Variants in MCTS1 observed in about 807,000 individuals in gnomAD.
MCTS1 encodes the protein MCTS1 re-initiation and release factor, also known as malignant T-cell-amplified sequence 1.
For synonymous variants in MCTS1, 26 were observed against 40.8 expected (o/e 0.64, Z 1.38); for missense variants, 55 against 128.6 (o/e 0.43, Z 2.77).
In MCTS1 at chrX:120,612,412, T is replaced by C. The variant is rs759224953; in HGVS notation, c.*148T>C. ...ATTCTGTTAGCTTCAGAAATTATTT[T>C]AAGTTTTCTTAAACTCAAGTTAAAA... is the stretch of plus-strand genomic sequence containing the variant. On this transcript the variant is annotated 3_prime_UTR_variant, in exon 6 of 6. Coordinates refer to ENST00000371317, the MANE Select transcript of MCTS1 (RefSeq NM_014060.3). 1.1e-5 allele frequency: 5 copies of C among 455,636 alleles called. No homozygotes were observed. Among genetic ancestry groups the C allele is most frequent in the Non-Finnish European group, 1.8e-5 (5 of 272,264 alleles). 37.5% of individuals were successfully genotyped at this position (455,636 alleles called of 1,213,427 possible).
At position 120,608,317 on chromosome X, in the gene MCTS1, C is replaced by T. The variant is rs1285912199; in HGVS notation, c.355C>T (p.Pro119Ser). ...TATCATGTGTCCAGGCTTAACTTCT[C>T]CTGGAGCTAAGCTTTACCCTGCTGC... Reference protein sequence around the residue: ...ANIMCPGLTSPGAKLYPAAVD... With the variant: ...ANIMCPGLTSSGAKLYPAAVD... Residue 119 changes from proline to serine, a missense_variant, in exon 4 of 6, where the codon CCT (proline) becomes TCT (serine). Transcript: ENST00000371317. 1 of 1,205,008 alleles carries T rather than the reference C, an allele frequency of 8.3e-7. No individual in the cohort carries two copies. Among genetic ancestry groups the T allele is most frequent in the South Asian group, 1.8e-5 (1 of 55,902 alleles).
Sources: allele counts gnomAD v4.1 joint callset, GRCh38; gene constraint gnomAD v4.1.1; transcripts MANE v1.5; gene names NCBI Gene and HGNC (gene_info 2026-07-23, HGNC 2026-07-21).